Variants in PCDH15 observed in about 807,000 individuals in gnomAD.
PCDH15 encodes protocadherin related 15, also known as protocadherin-15.
In PCDH15, 129 loss-of-function variants were observed where a neutral mutation model predicts 178.5. The ratio of observed to expected loss-of-function variants is 0.72; its 90% CI spans 0.63 to 0.84. The LOEUF is 0.84. PCDH15 is among the 40% of genes least tolerant of loss of function. The pLI is 0.00. For synonymous variants in PCDH15, 800 were observed against 732.0 expected (o/e 1.09, Z -1.50); for missense variants, 2,230 against 2,099.9 (o/e 1.06, Z -1.21).
chr10:55,614,736 G>T (rs1409478388), intron 2 of PCDH15, among the ~76,000 whole-genome samples: 1 of 152,022 alleles, frequency 6.6e-6, no homozygotes, highest in Non-Finnish European at 1.5e-5. Flanking sequence ...CAAACCATAG[G>T]TGTTTAAATG....
At chr10:53,877,750 C>G (rs1178995094) in intron 26 of PCDH15, among the ~76,000 whole-genome samples, 1 of 152,026 alleles carries the variant, frequency 6.6e-6, no homozygotes. Context: ...TTTCAGCATC[C>G]TCCCCCTCGG....
chr10:53,924,362 G>C (rs1368151287), intron 25 of PCDH15, among the ~76,000 whole-genome samples: 2 of 152,238 alleles, frequency 1.3e-5, no homozygotes, highest in African/African-American at 4.8e-5. Flanking sequence ...TCCCCCAGCA[G>C]TGCAGGCCTG....
chr10:54,341,749 T>C (rs1942272774), intron 6 of PCDH15, among the ~76,000 whole-genome samples: 3 of 152,092 alleles, frequency 2.0e-5, no homozygotes, highest in Admixed American at 2.0e-4. Context: ...ATACGGACAA[T>C]GAAGTCCAGG....
chr10:55,581,314 GA>G (rs1347079562), intron 2 of PCDH15, among the ~76,000 whole-genome samples: 3 of 151,674 alleles, frequency 2.0e-5, no homozygotes, highest in African/African-American at 7.3e-5. Flanking sequence ...ATATATAACA[GA>G]AAATGCTAAT....
chr10:55,565,485 G>T (rs1198898689), intron 2 of PCDH15, among the ~76,000 whole-genome samples: 2 of 151,572 alleles, frequency 1.3e-5, no homozygotes, highest in East Asian at 3.9e-4. Context: ...AAGGCAAGAA[G>T]AAGAAAGAAG....
At chr10:55,605,457 A>G (rs1416622929) in intron 2 of PCDH15, among the ~76,000 whole-genome samples, 1 of 151,020 alleles carries the variant, frequency 6.6e-6, no homozygotes, top group Non-Finnish European at 1.5e-5. Flanking sequence ...AGACAATTTT[A>G]GACCAATATC....
chr10:55,546,463 T>G (rs1841884434), intron 2 of PCDH15, among the ~76,000 whole-genome samples: 1 of 152,126 alleles, frequency 6.6e-6, no homozygotes, highest in South Asian at 2.1e-4. Flanking sequence ...TTATTATAAA[T>G]TATATATTAT....
At chr10:55,199,720 C>T (rs1840190659) in intron 1 of PCDH15, among the ~76,000 whole-genome samples, 1 of 152,030 alleles carries the variant, frequency 6.6e-6, no homozygotes, top group African/African-American at 2.4e-5. Context: ...GGCCCAGGGA[C>T]TTGCTGCTCT....
At chr10:54,086,805 T>C (rs1243997931) in intron 16 of PCDH15, among the ~76,000 whole-genome samples, 1 of 152,156 alleles carries the variant, frequency 6.6e-6, no homozygotes, top group Non-Finnish European at 1.5e-5. Context: ...CTTAAGGAGA[T>C]GTCTGTCCAG....
In PCDH15 at chr10:53,810,556, CTCTTCCTCCTCATAT is replaced by C. The variant is rs777047171; in HGVS notation, c.4656_4670del (p.Tyr1553_Glu1557del). The C allele has an allele frequency of 6.2e-7, 1 of 1,611,308 alleles. No homozygotes were observed. Among genetic ancestry groups the C allele is most frequent in the Admixed American group, 1.7e-5 (1 of 59,978 alleles). On this transcript the variant is annotated inframe_deletion and splice_region_variant, in exon 37 of 38. Transcript: ENST00000644397. ...TACATAATAAAATTACAGTAATTAC[CTCTTCCTCCTCATAT>C]TCTTCCTCAGCTTCACCAACCACCT...
chr10:54,101,662 G>A (rs1221619971), intron 15 of PCDH15, among the ~76,000 whole-genome samples: 1 of 152,106 alleles, frequency 6.6e-6, no homozygotes, highest in African/African-American at 2.4e-5. Flanking sequence ...TGCTAAAAAA[G>A]AAACCTTAAA....
At chr10:54,382,609 A>G (rs1949380049) in intron 3 of PCDH15, among the ~76,000 whole-genome samples, 1 of 152,142 alleles carries the variant, frequency 6.6e-6, no homozygotes, top group Non-Finnish European at 1.5e-5. Context: ...TGTTGTATAC[A>G]TGTGTCTATG....
intron 6 of PCDH15, among the ~76,000 whole-genome samples, chr10:54,344,090 AG>A (rs1942787518): frequency 6.6e-6 from 1 of 152,168 alleles, no homozygotes; most frequent in African/African-American, 2.4e-5. Context: ...ACTGGTACTG[AG>A]GTTTACACTA....
At chr10:55,485,581 T>G (rs902796811) in intron 2 of PCDH15, among the ~76,000 whole-genome samples, 2 of 151,586 alleles carry the variant, frequency 1.3e-5, no homozygotes, top group Non-Finnish European at 3.0e-5. Flanking sequence ...TGGAAAACAG[T>G]ATGGAGGTTC....
intron 9 of PCDH15, among the ~76,000 whole-genome samples, chr10:54,234,286 T>C (rs2054394316): frequency 6.6e-6 from 1 of 152,266 alleles, no homozygotes; most frequent in South Asian, 2.1e-4. Flanking sequence ...CTAAAATGTA[T>C]TGAGCATTAA....
At chr10:54,586,390 G>A (rs1486452289) in intron 2 of PCDH15, among the ~76,000 whole-genome samples, 1 of 152,082 alleles carries the variant, frequency 6.6e-6, no homozygotes, top group Non-Finnish European at 1.5e-5. Context: ...GTCTGGTGGA[G>A]TAGAAATAAT....
intron 1 of PCDH15, among the ~76,000 whole-genome samples, chr10:54,710,468 C>T (rs1388801274): frequency 6.6e-6 from 1 of 151,954 alleles, no homozygotes; most frequent in African/African-American, 2.4e-5. Flanking sequence ...GCCCACCACA[C>T]AGTTTTAGAA....
At chr10:54,519,549 A>G (rs902453561) in intron 3 of PCDH15, among the ~76,000 whole-genome samples, 12 of 152,322 alleles carry the variant, frequency 7.9e-5, no homozygotes, top group African/African-American at 2.9e-4. Context: ...ACCACTGCTC[A>G]ATGAAATAAA....
rs752359845 is a variant in PCDH15 at position 54,070,756 on chromosome 10, AT to A, written c.2092-3872del. Among the ~76,000 whole-genome samples, 237 of 151,922 alleles carry A rather than the reference AT, an allele frequency of 1.6e-3. 5 individuals are homozygous for A. Among genetic ancestry groups the A allele is most frequent in the Non-Finnish European group, 1.4e-3 (94 of 67,920 alleles). On this transcript the variant is annotated intron_variant, in intron 17 of 37. Coordinates refer to ENST00000644397, the MANE Select transcript of PCDH15 (RefSeq NM_001384140.1). ...AGGTGCACGCCACTATGCCCAGCTA[AT>A]TTTTATTTCTTTATTTTATTTTTGT...
Sources: allele counts gnomAD v4.1 joint callset (sites outside exome capture counted in the v4.1 genomes callset), GRCh38; gene constraint gnomAD v4.1.1; transcripts MANE v1.5; gene names NCBI Gene and HGNC (gene_info 2026-07-23, HGNC 2026-07-21).